Variants in KIF21A observed in about 807,000 individuals in gnomAD.
KIF21A encodes kinesin family member 21A, also known as kinesin-like protein KIF21A.
In KIF21A, 114 loss-of-function variants were observed where a neutral mutation model predicts 202.9. That is an observed-to-expected ratio of 0.56 (90% confidence interval 0.48 to 0.66). KIF21A has a LOEUF of 0.66. Among genes scored for constraint, KIF21A ranks in the 30% least tolerant of loss-of-function variants. The pLI is 0.00. For missense variants in KIF21A, 1,677 were observed against 1,994.9 expected (o/e 0.84, Z 3.04); for synonymous variants, 667 against 670.8 (o/e 0.99, Z 0.09).
intron 37 of KIF21A, 105 bp from the exon 38 acceptor site, chr12:39,294,622 A>G (rs1942121037): frequency 4.9e-6 from 4 of 809,814 alleles, no homozygotes; most frequent in Non-Finnish European, 6.2e-6. Flanking sequence ...ATAGGTCTTC[A>G]AGAAATCCAA....
chr12:39,378,383 G>GA (rs965309963), intron 1 of KIF21A, among the ~76,000 whole-genome samples: 10 of 151,644 alleles, frequency 6.6e-5, no homozygotes, highest in East Asian at 3.9e-4. Context: ...ACAAAATAAA[G>GA]AAAAAAAATA....
At chr12:39,415,334 G>A (rs1300925696) in intron 1 of KIF21A, among the ~76,000 whole-genome samples, 4 of 148,786 alleles carry the variant, frequency 2.7e-5, no homozygotes, top group African/African-American at 1.0e-4. Context: ...CCGCCTCCCG[G>A]GTTCACGCCA....
intron 27 of KIF21A, chr12:39,322,455 A>T: frequency 4.2e-6 from 2 of 478,752 alleles, no homozygotes; most frequent in Admixed American, 3.6e-5. Flanking sequence ...TAAAACTTGG[A>T]GACAAGACAA....
At chr12:39,417,006 A>G (rs1953814348) in intron 1 of KIF21A, among the ~76,000 whole-genome samples, 1 of 151,846 alleles carries the variant, frequency 6.6e-6, no homozygotes, top group Non-Finnish European at 1.5e-5. Flanking sequence ...AGTATCATTC[A>G]TTAACAGACT....
chr12:39,330,707 C>G (rs1483825136), intron 23 of KIF21A, 39 bp downstream of exon 23: 3 of 1,595,594 alleles, frequency 1.9e-6, no homozygotes. Flanking sequence ...AGCAAAGCTA[C>G]CATGCAAATT....
chr12:39,379,376 T>C (rs1456479766), intron 1 of KIF21A, among the ~76,000 whole-genome samples: 1 of 151,326 alleles, frequency 6.6e-6, no homozygotes, highest in African/African-American at 2.4e-5. Context: ...TTGTGAATGT[T>C]ATGACACCAC....
Position 39,311,510 on chromosome 12 carries a change from AAGCTCTGAT to A in KIF21A, c.3994_4002del (p.Ile1332_Ala1334del). The A allele has an allele frequency of 6.2e-7, 1 of 1,613,254 alleles. No individual in the cohort carries two copies. ...GCTATGTGAATACACTGAAGTGGAA[AAGCTCTGAT>A]TCCTTTTGAAGCAGGAAATGGGTTG... is the stretch of plus-strand genomic sequence containing the variant. On this transcript the variant is annotated inframe_deletion, in exon 32 of 38. Transcript: ENST00000361418.
At chr12:39,369,336 T>C (rs1188781967) in intron 3 of KIF21A, among the ~76,000 whole-genome samples, 2 of 152,076 alleles carry the variant, frequency 1.3e-5, no homozygotes, top group African/African-American at 4.8e-5. Context: ...GGTGCATGCC[T>C]GTAGTCCCAG....
chr12:39,354,896 A>G (rs1389214109), intron 10 of KIF21A, among the ~76,000 whole-genome samples: 1 of 152,226 alleles, frequency 6.6e-6, no homozygotes, highest in Non-Finnish European at 1.5e-5. Context: ...ATTCTTACAG[A>G]TGAATAAACT....
chr12:39,411,657 G>T (rs1200254841), intron 1 of KIF21A, among the ~76,000 whole-genome samples: 2 of 152,110 alleles, frequency 1.3e-5, no homozygotes, highest in Non-Finnish European at 2.9e-5. Flanking sequence ...CTCCCAAGAG[G>T]CTGGGACTAC....
At chr12:39,432,055 G>C (rs1431961763) in intron 1 of KIF21A, among the ~76,000 whole-genome samples, 1 of 152,178 alleles carries the variant, frequency 6.6e-6, no homozygotes. Flanking sequence ...AAGACTAACA[G>C]ACCAACACGC....
intron 3 of KIF21A, among the ~76,000 whole-genome samples, chr12:39,368,503 T>C (rs942312453): frequency 6.6e-6 from 1 of 152,182 alleles, no homozygotes; most frequent in African/African-American, 2.4e-5. Context: ...TTAGTGTTCC[T>C]GTATCAATAG....
At chr12:39,408,426 C>T (rs933485332) in intron 1 of KIF21A, among the ~76,000 whole-genome samples, 1 of 152,024 alleles carries the variant, frequency 6.6e-6, no homozygotes. Context: ...TCCTAGCAGG[C>T]CACAGACTGG....
chr12:39,351,662 G>T, intron 11 of KIF21A, 115 bp downstream of exon 11: 1 of 660,066 alleles, frequency 1.5e-6, no homozygotes, highest in Non-Finnish European at 2.6e-6. Flanking sequence ...CTAACATAGT[G>T]ATTTATTTCA....
intron 1 of KIF21A, among the ~76,000 whole-genome samples, chr12:39,372,404 C>A (rs1950023803): frequency 6.6e-6 from 1 of 152,118 alleles, no homozygotes; most frequent in Admixed American, 6.6e-5. Context: ...GGTAATGAGG[C>A]AAGAGCAATG....
chr12:39,315,142 A>C (rs1171975891), intron 31 of KIF21A, 87 bp downstream of exon 31: 1 of 1,289,072 alleles, frequency 7.8e-7, no homozygotes, highest in Non-Finnish European at 1.1e-6. Context: ...AGAGAAAAAA[A>C]TAAACACTTA....
At chr12:39,322,916 G>A (rs1274839007) in intron 26 of KIF21A, 34 bp from the exon 27 acceptor site, 1 of 1,371,116 alleles carries the variant, frequency 7.3e-7, no homozygotes, top group South Asian at 1.7e-5. Context: ...GCAATCAGGA[G>A]CAAACTCTTG....
intron 7 of KIF21A, among the ~76,000 whole-genome samples, chr12:39,358,626 C>T (rs1357913709): frequency 6.6e-6 from 1 of 152,132 alleles, no homozygotes; most frequent in Non-Finnish European, 1.5e-5. Flanking sequence ...TACCTCTTTG[C>T]TAAAAAGATT....
chr12:39,316,805 G>A (rs188468944), intron 29 of KIF21A, among the ~76,000 whole-genome samples: 83 of 152,278 alleles, frequency 5.5e-4, no homozygotes, highest in African/African-American at 1.9e-3. Context: ...AGAGCAGTCA[G>A]TTATTCTACA....
Sources: gnomAD v4.1 joint callset for allele counts (sites outside exome capture counted in the v4.1 genomes callset) on GRCh38, gnomAD v4.1.1 for gene constraint, MANE v1.5 for transcripts, NCBI Gene and HGNC (gene_info 2026-07-23, HGNC 2026-07-21) for gene names.